Variants in RBFOX1 observed in about 807,000 individuals in gnomAD.
The protein encoded by RBFOX1 is RNA binding fox-1 homolog 1.
A neutral mutation model predicts 57.7 loss-of-function variants in RBFOX1; 8 were observed. The observed-to-expected ratio is 0.14, with a 90% CI of 0.08 to 0.25. RBFOX1 has a LOEUF of 0.25. Among genes scored for constraint, RBFOX1 ranks in the 10% least tolerant of loss-of-function variants. The pLI, the probability that RBFOX1 is intolerant of heterozygous loss-of-function variation, is 1.00. For synonymous variants in RBFOX1, 326 were observed against 222.4 expected, an observed-to-expected ratio of 1.47 and a Z score of -4.15; for missense variants, 611 against 548.5, an observed-to-expected ratio of 1.11 and a Z score of -1.14.
chr16:7,497,461 A>G (rs2069057577), intron 4 of RBFOX1, among the ~76,000 whole-genome samples: 1 of 152,180 alleles, frequency 6.6e-6, no homozygotes, highest in East Asian at 1.9e-4. Context: ...ATAATAATTT[A>G]TACTTATAAA....
chr16:5,894,297 G>A (rs976795977), intron 4 of RBFOX1, among the ~76,000 whole-genome samples: 28 of 151,346 alleles, frequency 1.9e-4, no homozygotes, highest in African/African-American at 6.8e-4. Context: ...CTTTTTTTTT[G>A]TATGAGATGG....
At chr16:7,420,766 A>T (rs2098533333) in intron 4 of RBFOX1, among the ~76,000 whole-genome samples, 1 of 149,946 alleles carries the variant, frequency 6.7e-6, no homozygotes, top group African/African-American at 2.5e-5. Flanking sequence ...CTTTATATTG[A>T]TCTTTTTTTT....
At chr16:7,130,890 G>A (rs1204795719) in intron 4 of RBFOX1, among the ~76,000 whole-genome samples, 1 of 152,224 alleles carries the variant, frequency 6.6e-6, no homozygotes, top group South Asian at 2.1e-4. Flanking sequence ...ATGATGAGGC[G>A]ACAGTGACAC....
intron 4 of RBFOX1, among the ~76,000 whole-genome samples, chr16:7,220,664 A>G: frequency 6.6e-6 from 1 of 152,104 alleles, no homozygotes; most frequent in East Asian, 1.9e-4. Flanking sequence ...TCTTCTTTGT[A>G]CATGGGGGGA....
intron 2 of RBFOX1, among the ~76,000 whole-genome samples, chr16:5,473,745 G>C (rs951977848): frequency 6.7e-6 from 1 of 149,360 alleles, no homozygotes; most frequent in Non-Finnish European, 1.5e-5. Flanking sequence ...ATAGAAGGAT[G>C]GGTAGAAGGA....
intron 4 of RBFOX1, among the ~76,000 whole-genome samples, chr16:6,008,546 G>A (rs1377856734): frequency 6.6e-6 from 1 of 152,156 alleles, no homozygotes; most frequent in Non-Finnish European, 1.5e-5. Flanking sequence ...TCCAAATCAA[G>A]ATTGCGGTTA....
chr16:6,867,682 G>A (rs1455509764), intron 3 of RBFOX1, among the ~76,000 whole-genome samples: 4 of 152,154 alleles, frequency 2.6e-5, no homozygotes, highest in African/African-American at 9.7e-5. Context: ...GATTGCCTGG[G>A]TGACAGAGCA....
chr16:5,575,722 G>A (rs189900316), intron 2 of RBFOX1, among the ~76,000 whole-genome samples: 2 of 152,234 alleles, frequency 1.3e-5, no homozygotes, highest in Admixed American at 1.3e-4. Flanking sequence ...ATCTAATTGG[G>A]CTGATGCCTC....
At chr16:6,020,864 C>G (rs917584429) in intron 1 of RBFOX1, among the ~76,000 whole-genome samples, 2 of 152,150 alleles carry the variant, frequency 1.3e-5, no homozygotes, top group African/African-American at 4.8e-5. Flanking sequence ...CACGCGGAGC[C>G]CGGAAGCTGT....
At chr16:6,988,304 T>C (rs2090733737) in intron 3 of RBFOX1, among the ~76,000 whole-genome samples, 1 of 152,160 alleles carries the variant, frequency 6.6e-6, no homozygotes, top group Admixed American at 6.5e-5. Flanking sequence ...GTGTAGTCTA[T>C]TGGAGTTTCC....
intron 3 of RBFOX1, among the ~76,000 whole-genome samples, chr16:6,974,646 A>G (rs1378894460): frequency 4.0e-5 from 6 of 151,888 alleles, no homozygotes; most frequent in Non-Finnish European, 1.5e-5. Flanking sequence ...CACCTGGCCC[A>G]TAAATCATAT....
chr16:5,689,106 A>G (rs1037862134), intron 3 of RBFOX1, among the ~76,000 whole-genome samples: 2 of 152,222 alleles, frequency 1.3e-5, no homozygotes, highest in Non-Finnish European at 2.9e-5. Context: ...GTTATGTAAC[A>G]CAAACATGGC....
At chr16:7,512,869 G>A (rs1368090004) in intron 4 of RBFOX1, among the ~76,000 whole-genome samples, 2 of 152,222 alleles carry the variant, frequency 1.3e-5, no homozygotes, top group Non-Finnish European at 1.5e-5. Context: ...TGGCATATTT[G>A]AATCAAATAC....
chr16:7,081,846 T>C (rs2059251171), intron 4 of RBFOX1, among the ~76,000 whole-genome samples: 1 of 152,242 alleles, frequency 6.6e-6, no homozygotes, highest in Admixed American at 6.5e-5. Context: ...TTTAACCATC[T>C]TCCTGTTGAG....
chr16:6,099,124 C>T (rs1272627618), intron 1 of RBFOX1, among the ~76,000 whole-genome samples: 5 of 152,106 alleles, frequency 3.3e-5, no homozygotes, highest in Non-Finnish European at 4.4e-5. Context: ...GAAAATAGGT[C>T]GAACCCGATT....
intron 4 of RBFOX1, among the ~76,000 whole-genome samples, chr16:5,980,051 A>C (rs1436806026): frequency 6.6e-6 from 1 of 152,186 alleles, no homozygotes; most frequent in Admixed American, 6.5e-5. Context: ...AAAGTCTTCC[A>C]ATCAGCTCCA....
At chr16:5,542,302 G>T (rs1175563887) in intron 2 of RBFOX1, among the ~76,000 whole-genome samples, 6 of 145,308 alleles carry the variant, frequency 4.1e-5, no homozygotes, top group African/African-American at 1.5e-4. Context: ...AGGCTGGAGT[G>T]CAGTGGCACG....
At chr16:5,575,908 G>C (rs984908667) in intron 2 of RBFOX1, among the ~76,000 whole-genome samples, 2 of 151,610 alleles carry the variant, frequency 1.3e-5, no homozygotes, top group Admixed American at 6.6e-5. Flanking sequence ...AATGGGTCAC[G>C]CATGTTTGCA....
intron 1 of RBFOX1, among the ~76,000 whole-genome samples, chr16:6,186,603 T>G (rs1288964070): frequency 1.3e-5 from 2 of 151,320 alleles, no homozygotes; most frequent in East Asian, 1.9e-4. Context: ...ATAGGGAGAG[T>G]GTGGCTTGGT....
Sources: allele counts gnomAD v4.1 joint callset (sites outside exome capture counted in the v4.1 genomes callset), GRCh38; gene constraint gnomAD v4.1.1; transcripts MANE v1.5; gene names NCBI Gene and HGNC (gene_info 2026-07-23, HGNC 2026-07-21).